The following SP140 variants were observed in gnomAD, a reference collection of about 807,000 sequenced individuals.
SP140 encodes the protein SP140 nuclear body protein.
SP140 carries 81 observed loss-of-function variants against 125.0 expected under a neutral mutation model. The ratio of observed to expected loss-of-function variants is 0.65; its 90% CI spans 0.54 to 0.78. The LOEUF is 0.78. Ranked by LOEUF, SP140 falls within the 30% of genes least tolerant of loss-of-function variation. The pLI is 0.00. For synonymous variants in SP140, 312 were observed against 354.0 expected (o/e 0.88, Z 1.33); for missense variants, 858 against 1,037.0 (o/e 0.83, Z 2.37).
chr2:230,252,808 AAG>A (rs2050567959), intron 10 of SP140, among the ~76,000 whole-genome samples: 2 of 150,362 alleles, frequency 1.3e-5, no homozygotes, highest in Admixed American at 6.6e-5. Context: ...ATGGTTGTGC[AAG>A]GCCAGCTGGG....
intron 15 of SP140, among the ~76,000 whole-genome samples, chr2:230,276,975 A>G (rs955607228): frequency 2.0e-5 from 3 of 152,184 alleles, no homozygotes; most frequent in Admixed American, 1.3e-4. Flanking sequence ...TTGAGTGGAC[A>G]AGGAGTTGCT....
rs1367780096 is a variant in SP140, at chr2:230,207,853, T to C, written c.-323+4574T>C. The C allele has an allele frequency of 3.3e-5, 22 of 658,670 alleles. 1 individual carries two copies. Among genetic ancestry groups the C allele is most frequent in the South Asian group, 1.9e-4 (11 of 59,068 alleles). The allele number at this position is 658,670 out of a possible 1,614,324, so 40.8% of individuals were successfully genotyped here. On this transcript the variant is annotated intron_variant, in intron 1 of 4. Coordinates refer to the SP140 transcript ENST00000456542. ...ACACCGTAGCAAAATTGAGCTTACA[T>C]TGTGTCACTTCACTGACTAAATCTC...
upstream of SP140, among the ~76,000 whole-genome samples, chr2:230,224,716 A>G (rs1045609488): frequency 6.6e-6 from 1 of 152,186 alleles, no homozygotes; most frequent in Non-Finnish European, 1.5e-5. Context: ...AATGAACCAG[A>G]AAAAGTAGGA....
chr2:230,257,634 G>A (rs761081498), intron 12 of SP140, among the ~76,000 whole-genome samples: 4 of 152,102 alleles, frequency 2.6e-5, no homozygotes, highest in Admixed American at 2.0e-4. Flanking sequence ...GGTTGTGGTC[G>A]AGCACACCTG....
chr2:230,301,889 A>G lies in SP140; in HGVS notation c.2058+4427A>G, dbSNP rs188519431. 1.1e-4 allele frequency among the ~76,000 whole-genome samples: 17 copies of G among 152,308 alleles called. No homozygotes were observed. The East Asian group carries it at 3.1e-3, about 28-fold the overall frequency. ...GGCACCTGCTGTCTTCAAGAGACTC[A>G]CCTAACACATAAGGACTCACATAAA... On this transcript the variant is annotated intron_variant, in intron 22 of 26. Transcript: ENST00000392045.
downstream of SP140, chr2:230,313,292 TC>T (rs1273015450): frequency 6.6e-6 from 1 of 152,294 alleles, no homozygotes; most frequent in Non-Finnish European, 1.5e-5. Flanking sequence ...CATTTTTCAC[TC>T]CCCTGCAAAG....
At chr2:230,253,276 A>G (rs544757077) in intron 10 of SP140, 40 bp from the exon 11 acceptor site, 1 of 1,434,828 alleles carries the variant, frequency 7.0e-7, no homozygotes, top group Non-Finnish European at 9.8e-7. Context: ...GCGTGAATGC[A>G]CTGAGGTCTG....
chr2:230,262,924 T>C (rs995787154), intron 12 of SP140, among the ~76,000 whole-genome samples: 1 of 152,204 alleles, frequency 6.6e-6, no homozygotes, highest in African/African-American at 2.4e-5. Flanking sequence ...AAATAGAATG[T>C]ATATTCTGTG....
upstream of SP140, among the ~76,000 whole-genome samples, chr2:230,201,682 T>G (rs941711722): frequency 1.3e-5 from 2 of 152,246 alleles, no homozygotes; most frequent in African/African-American, 4.8e-5. Context: ...CTTGTGTGAT[T>G]GAGATACAAG....
chr2:230,223,101 A>G (rs939547871), upstream of SP140, among the ~76,000 whole-genome samples: 4 of 151,336 alleles, frequency 2.6e-5, no homozygotes, highest in African/African-American at 9.7e-5. Context: ...CTGTGGCGCA[A>G]TCTTGGCTCA....
chr2:230,297,246 A>G (rs1271100861), intron 21 of SP140, among the ~76,000 whole-genome samples, 175 bp from the exon 22 acceptor site: 2 of 152,364 alleles, frequency 1.3e-5, no homozygotes, highest in Middle Eastern at 3.4e-3. Context: ...CAGTTTGCTT[A>G]CTTAGAAACT....
At chr2:230,220,813 G>A (rs981935503), upstream of SP140, among the ~76,000 whole-genome samples, 1 of 152,082 alleles carries the variant, frequency 6.6e-6, no homozygotes, top group Non-Finnish European at 1.5e-5. Flanking sequence ...AGACCAGTCT[G>A]GGCAACATAG....
At chr2:230,233,295 A>G (rs2047515554) in intron 1 of SP140, among the ~76,000 whole-genome samples, 1 of 152,048 alleles carries the variant, frequency 6.6e-6, no homozygotes, top group Non-Finnish European at 1.5e-5. Context: ...ACTTAACTCA[A>G]TTTTTTACTT....
At chr2:230,202,592 C>T, upstream of SP140, 2 of 1,614,184 alleles carry the variant, frequency 1.2e-6, no homozygotes, top group South Asian at 1.1e-5. Context: ...CTGATCTCGA[C>T]TTTCGGGCAC....
At chr2:230,187,942 T>G in the SP140 span, among the ~76,000 whole-genome samples, 1 of 152,232 alleles carries the variant, frequency 6.6e-6, no homozygotes, top group Non-Finnish European at 1.5e-5. Flanking sequence ...TCCAGATTTG[T>G]TCTTTTTGCT....
the SP140 span, among the ~76,000 whole-genome samples, chr2:230,188,718 GT>G: frequency 6.6e-6 from 1 of 152,094 alleles, no homozygotes; most frequent in Non-Finnish European, 1.5e-5. Flanking sequence ...TTTATCAAAT[GT>G]TTTTTCTGCA....
intron 20 of SP140, among the ~76,000 whole-genome samples, chr2:230,293,332 T>C (rs1379304053): frequency 6.6e-6 from 1 of 152,122 alleles, no homozygotes; most frequent in Non-Finnish European, 1.5e-5. Context: ...TAAAACAATA[T>C]TTTATTTTAT....
At chr2:230,253,692 A>G (rs1295172129) in intron 11 of SP140, among the ~76,000 whole-genome samples, 1 of 152,208 alleles carries the variant, frequency 6.6e-6, no homozygotes, top group East Asian at 1.9e-4. Flanking sequence ...CCAGAGAAGA[A>G]GTTCCTGGGT....
intron 14 of SP140, 86 bp from the exon 15 acceptor site, chr2:230,270,500 A>G (rs1355036288): frequency 7.6e-7 from 1 of 1,312,616 alleles, no homozygotes; most frequent in Non-Finnish European, 1.1e-6. Flanking sequence ...GTATAAACTC[A>G]AGCCTTCTGT....
Sources: allele counts gnomAD v4.1 joint callset (sites outside exome capture counted in the v4.1 genomes callset), GRCh38; gene constraint gnomAD v4.1.1; transcripts MANE v1.5; gene names NCBI Gene and HGNC (gene_info 2026-07-23, HGNC 2026-07-21).